FRAS1: variants seen among roughly 807,000 people sequenced by gnomAD.
FRAS1 encodes Fraser extracellular matrix complex subunit 1.
A neutral mutation model predicts 435.2 loss-of-function variants in FRAS1; 290 were observed. That is an observed-to-expected ratio of 0.67 (90% confidence interval 0.61 to 0.73). The LOEUF (loss-of-function observed/expected upper bound fraction) is 0.73. FRAS1 is among the 30% of genes least tolerant of loss of function. The probability of loss-of-function intolerance (pLI) is 0.00; values close to 1 mark genes in which losing one functional copy is unlikely to be tolerated. For missense variants in FRAS1, 4,860 were observed against 5,001.5 expected (o/e 0.97, Z 0.85); for synonymous variants, 1,800 against 1,851.0 (o/e 0.97, Z 0.71).
chr4:78,209,102 GCCAT>G (rs1463925194), intron 2 of FRAS1, among the ~76,000 whole-genome samples: 1 of 151,720 alleles, frequency 6.6e-6, no homozygotes, highest in Non-Finnish European at 1.5e-5. Flanking sequence ...CTGTGGTCGT[GCCAT>G]GACACTCCAG....
chr4:78,334,586 G>GTCGTGATC (rs1553946449), intron 19 of FRAS1, among the ~76,000 whole-genome samples: 1 of 151,366 alleles, frequency 6.6e-6, no homozygotes, highest in Non-Finnish European at 1.5e-5. Context: ...GATCAGGCTG[G>GTCGTGATC]TCGTGATCTC....
chr4:78,098,269 A>G (rs1021402940), intron 2 of FRAS1, among the ~76,000 whole-genome samples: 2 of 143,568 alleles, frequency 1.4e-5, no homozygotes, highest in Admixed American at 7.0e-5. Context: ...GTTAGGATAG[A>G]TCTTTTCTTT....
At position 78,260,646 on chromosome 4, in the gene FRAS1, C is replaced by T. The variant is rs561980736; in HGVS notation, c.604-4379C>T. On this transcript the variant is annotated intron_variant, in intron 6 of 73. Transcript: ENST00000512123. The stretch of plus-strand genomic sequence containing the variant: ...TCTAGATATACAATCATGTCATCTG[C>T]AAACAGGGACAATTTGACTTCCTCT... Among the ~76,000 whole-genome samples the T allele has an allele frequency of 5.3e-5, 8 of 152,190 alleles. No individual in the cohort carries two copies. The East Asian group carries it at 1.5e-3, about 29-fold the overall frequency.
Position 78,441,376 on chromosome 4 carries a change from A to T in FRAS1, c.5665+79A>T. 3 of 1,305,540 alleles carry T rather than the reference A, an allele frequency of 2.3e-6. No individual in the cohort carries two copies. The South Asian group carries it at 3.9e-5, about 17-fold the overall frequency. The allele number at this position is 1,305,540 out of a possible 1,614,324, so 80.9% of individuals were successfully genotyped here. On this transcript the variant is annotated intron_variant, in intron 41 of 73. Coordinates refer to ENST00000512123, the MANE Select transcript of FRAS1 (RefSeq NM_025074.7). ...AGGAGGACCTTGCTTCCAGCTAAAG[A>T]TGGAGATGGAGAACTACAGAGGAGG...
At chr4:78,368,726 G>A (rs940645699) in intron 22 of FRAS1, among the ~76,000 whole-genome samples, 5 of 152,160 alleles carry the variant, frequency 3.3e-5, no homozygotes, top group African/African-American at 1.2e-4. Flanking sequence ...TGCAAGGCCT[G>A]TTTTAGAATA....
At chr4:78,257,604 A>C (rs17003087) in intron 6 of FRAS1, among the ~76,000 whole-genome samples, 2 of 152,208 alleles carry the variant, frequency 1.3e-5, no homozygotes, top group African/African-American at 4.8e-5. Context: ...AAGTTTGGCA[A>C]GGGTGGACAA....
At chr4:78,341,626 A>G (rs913032760) in intron 20 of FRAS1, among the ~76,000 whole-genome samples, 6 of 152,178 alleles carry the variant, frequency 3.9e-5, no homozygotes, top group South Asian at 2.1e-4. Flanking sequence ...ATATGATTTA[A>G]CATAATAGAA....
chr4:78,315,725 A>G lies in FRAS1; in HGVS notation c.1810A>G (p.Arg604Gly), dbSNP rs1729217009. The G allele has an allele frequency of 6.2e-7, 1 of 1,614,022 alleles. No individual in the cohort carries two copies. The highest frequency in any genetic ancestry group is 1.6e-4 in the Middle Eastern group (1 of 6,062). ...CGGGTACTATGCTGATGCCACTGGC[A>G]GGTGCAAAGGTAAGAGATGGGTCAC... ...PGGYYADATG[R>G]CKVCHNSCAS... The change falls in exon 16 of 74, where the codon AGG becomes GGG. Residue 604 changes from arginine to glycine, a missense_variant. Coordinates refer to ENST00000512123, the MANE Select transcript of FRAS1 (RefSeq NM_025074.7).
At chr4:78,210,374 T>G (rs1183155875) in intron 2 of FRAS1, among the ~76,000 whole-genome samples, 2 of 152,224 alleles carry the variant, frequency 1.3e-5, no homozygotes, top group African/African-American at 4.8e-5. Flanking sequence ...ATAAGCTTTG[T>G]GTTTAAATGT....
At chr4:78,461,901 C>T (rs998628217) in intron 47 of FRAS1, among the ~76,000 whole-genome samples, 6 of 152,072 alleles carry the variant, frequency 3.9e-5, no homozygotes, top group African/African-American at 1.2e-4. Flanking sequence ...AGAGAAAATG[C>T]CAGCTAATCT....
In FRAS1 at chr4:78,448,081, T is replaced by C. The variant is rs76472539; in HGVS notation, c.6039T>C (p.Ser2013=). Reference sequence around the variant, plus strand: ...ATGTACTCTGGAGGCAAACTGCTTCTGAGCCTCTGGAGAATGGGAGAGTTT... The same window carrying C: ...ATGTACTCTGGAGGCAAACTGCTTCCGAGCCTCTGGAGAATGGGAGAGTTT... The part of the protein sequence containing the change: ...HGHVLWRQTA[S]EPLENGRVLV... Residue 2013 remains serine, a synonymous_variant, in exon 44 of 74, where the codon TCT becomes TCC. Transcript: ENST00000512123. The C allele has an allele frequency of 5.0e-3, 7,985 of 1,612,340 alleles. 333 individuals are homozygous for C. In the African/African-American group the frequency reaches 0.091, roughly 18 times the overall value.
intron 4 of FRAS1, among the ~76,000 whole-genome samples, chr4:78,249,070 T>TATATATATATATGC (rs1553934048): frequency 9.2e-6 from 1 of 109,042 alleles, no homozygotes; most frequent in African/African-American, 3.1e-5. Flanking sequence ...TATGCATATA[T>TATATATATATATGC]ATATATATAT....
chr4:78,195,336 C>T (rs1199088760), intron 2 of FRAS1, among the ~76,000 whole-genome samples: 3 of 152,252 alleles, frequency 2.0e-5, no homozygotes, highest in East Asian at 3.9e-4. Context: ...GAGGATTCTG[C>T]TGCCTTTTGT....
chr4:78,534,635 T>A lies in FRAS1; in HGVS notation c.11092+20T>A, dbSNP rs1359337117. 8 of 1,609,020 alleles carry A rather than the reference T, an allele frequency of 5.0e-6. No homozygotes were observed. The highest frequency in any genetic ancestry group is 1.3e-5 in the African/African-American group (1 of 74,804). ...CAAAAGGTGAGTTGCTTCCTCCACC[T>A]GCAGAAAGAGGCTCTGCCTGGATAT... is the stretch of plus-strand genomic sequence containing the variant. On this transcript the variant is annotated intron_variant, in intron 71 of 73. Transcript: ENST00000512123.
At chr4:78,502,075 A>G (rs1311462110) in intron 61 of FRAS1, among the ~76,000 whole-genome samples, 7 of 152,156 alleles carry the variant, frequency 4.6e-5, no homozygotes, top group Admixed American at 4.6e-4. Context: ...CCATGGGTCT[A>G]CATATCTCTT....
intron 2 of FRAS1, among the ~76,000 whole-genome samples, chr4:78,196,416 G>A (rs1476008597): frequency 6.6e-6 from 1 of 151,870 alleles, no homozygotes; most frequent in Admixed American, 6.6e-5. Context: ...AATTTTACTG[G>A]GTAAATAATG....
intron 2 of FRAS1, chr4:78,180,826 A>T (rs1378816793): frequency 5.7e-6 from 8 of 1,402,516 alleles, no homozygotes; most frequent in Admixed American, 3.8e-5. Flanking sequence ...TTTGAACAGA[A>T]GGGTTCACGA....
chr4:78,440,156 G>A (rs1335487781), intron 40 of FRAS1, among the ~76,000 whole-genome samples: 6 of 149,340 alleles, frequency 4.0e-5, no homozygotes, highest in Non-Finnish European at 7.4e-5. Flanking sequence ...TCAGCCTCCC[G>A]AGTAGCTGGG....
chr4:78,207,912 A>G (rs1560581197), intron 2 of FRAS1, among the ~76,000 whole-genome samples: 1 of 152,174 alleles, frequency 6.6e-6, no homozygotes, highest in Non-Finnish European at 1.5e-5. Context: ...ACTAGATTGC[A>G]GCTCCCACTT....
Sources: allele counts gnomAD v4.1 joint callset (sites outside exome capture counted in the v4.1 genomes callset), GRCh38; gene constraint gnomAD v4.1.1; transcripts MANE v1.5; gene names NCBI Gene and HGNC (gene_info 2026-07-23, HGNC 2026-07-21).